Variants in PHACTR1 observed in about 807,000 individuals in gnomAD.
PHACTR1 encodes phosphatase and actin regulator 1, also known as RPEL repeat containing 1.
PHACTR1 carries 16 observed loss-of-function variants against 69.2 expected under a neutral mutation model. The ratio of observed to expected loss-of-function variants is 0.23; its 90% CI spans 0.16 to 0.35. The LOEUF (loss-of-function observed/expected upper bound fraction) is 0.35, where lower values mean the gene tolerates loss of function less well. PHACTR1 is among the 10% of genes least tolerant of loss of function. PHACTR1 has a pLI of 1.00. For missense variants in PHACTR1, 510 were observed against 734.7 expected (o/e 0.69, Z 3.54); for synonymous variants, 312 against 284.5 (o/e 1.10, Z -0.97).
intron 4 of PHACTR1, among the ~76,000 whole-genome samples, chr6:12,845,907 T>C (rs1267937005): frequency 6.6e-6 from 1 of 152,210 alleles, no homozygotes; most frequent in Non-Finnish European, 1.5e-5. Flanking sequence ...AGCAATTTCA[T>C]TGTGTGCAGA....
chr6:12,945,181 C>G (rs1419674072), intron 4 of PHACTR1, among the ~76,000 whole-genome samples: 9 of 152,136 alleles, frequency 5.9e-5, no homozygotes, highest in African/African-American at 1.9e-4. Context: ...TTATTCCCAT[C>G]TGACTAACTC....
chr6:12,789,824 G>A (rs1416709881), intron 4 of PHACTR1, among the ~76,000 whole-genome samples: 3 of 150,274 alleles, frequency 2.0e-5, no homozygotes, highest in Admixed American at 1.3e-4. Flanking sequence ...TGTGCACAAC[G>A]TGCAGGTTAG....
intron 4 of PHACTR1, among the ~76,000 whole-genome samples, chr6:13,024,885 T>G (rs1801467932): frequency 6.6e-6 from 1 of 152,198 alleles, no homozygotes; most frequent in South Asian, 2.1e-4. Context: ...CAGATTCCTG[T>G]GGTAAGACAC....
At chr6:13,130,288 A>G (rs570479439) in intron 5 of PHACTR1, among the ~76,000 whole-genome samples, 1 of 151,896 alleles carries the variant, frequency 6.6e-6, no homozygotes, top group African/African-American at 2.4e-5. Context: ...AACAAAAACA[A>G]AAACAAAACA....
chr6:12,787,401 T>C (rs55674017), intron 4 of PHACTR1, among the ~76,000 whole-genome samples: 1,608 of 152,304 alleles, frequency 0.011, 15 homozygotes, highest in Middle Eastern at 0.024. Context: ...CAACAATATC[T>C]TCCCATGACT....
rs542995841 is a variant in PHACTR1, at chr6:13,195,088, A to G, written c.665-10727A>G. Among the ~76,000 whole-genome samples, 4 of 152,252 alleles carry G rather than the reference A, an allele frequency of 2.6e-5. No homozygotes were observed. The South Asian group carries it at 8.3e-4, about 32-fold the overall frequency. On this transcript the variant is annotated intron_variant, in intron 7 of 14. Transcript: ENST00000332995. ...GCACATTTTGCCTTTGACCAAGGCA[A>G]AACGCCAGGCGAGTGATCATCCCTA...
At chr6:12,737,418 C>CAA (rs1383048962) in intron 3 of PHACTR1, among the ~76,000 whole-genome samples, 2 of 151,736 alleles carry the variant, frequency 1.3e-5, no homozygotes, top group Admixed American at 1.3e-4. Flanking sequence ...CACACACACA[C>CAA]ACGCATGCAC....
intron 4 of PHACTR1, among the ~76,000 whole-genome samples, chr6:12,844,832 G>T (rs1051330661): frequency 6.6e-6 from 1 of 152,070 alleles, no homozygotes; most frequent in African/African-American, 2.4e-5. Context: ...GGAGGAAATT[G>T]GGCTACTGTT....
intron 4 of PHACTR1, among the ~76,000 whole-genome samples, chr6:12,804,590 G>T (rs192046460): frequency 2.0e-5 from 3 of 152,188 alleles, no homozygotes; most frequent in Non-Finnish European, 2.9e-5. Flanking sequence ...CATTTTGGGA[G>T]GGGGGTGGAT....
rs61533233 is a variant in PHACTR1 at position 12,941,626 on chromosome 6, C to T, written c.251-111739C>T. Among the ~76,000 whole-genome samples, 919 of 152,174 alleles carry T rather than the reference C, an allele frequency of 6.0e-3. 9 individuals carry two copies. The highest frequency in any genetic ancestry group is 0.021 in the African/African-American group (857 of 41,496). On this transcript the variant is annotated intron_variant, in intron 4 of 14. Coordinates refer to ENST00000332995, the MANE Select transcript of PHACTR1 (RefSeq NM_030948.6). ...CTACCTTCAGTAAGTAGGAGCCAAA[C>T]GTCCTTGAAGTGTAGCATTGGGGTT...
intron 4 of PHACTR1, among the ~76,000 whole-genome samples, chr6:12,881,398 C>T (rs551011534): frequency 2.0e-5 from 3 of 152,008 alleles, no homozygotes; most frequent in South Asian, 2.1e-4. Context: ...AGCTAGGAGG[C>T]GAGTGGAGAT....
At chr6:13,224,647 G>A (rs1383385624) in intron 8 of PHACTR1, among the ~76,000 whole-genome samples, 1 of 133,412 alleles carries the variant, frequency 7.5e-6, no homozygotes, top group Admixed American at 1.0e-4. Context: ...TCTGTCAGCA[G>A]CAGGGCACAG....
At chr6:13,041,085 G>A (rs933582521) in intron 4 of PHACTR1, among the ~76,000 whole-genome samples, 2 of 152,116 alleles carry the variant, frequency 1.3e-5, no homozygotes, top group African/African-American at 4.8e-5. Flanking sequence ...TTTCTCTGTT[G>A]AGACCTCTTT....
chr6:13,178,833 G>A (rs1271888813), intron 6 of PHACTR1, among the ~76,000 whole-genome samples: 2 of 152,220 alleles, frequency 1.3e-5, no homozygotes, highest in Non-Finnish European at 2.9e-5. Flanking sequence ...CTAGCTAGAT[G>A]GGGATACAGA....
intron 8 of PHACTR1, among the ~76,000 whole-genome samples, chr6:13,225,964 C>T (rs949929483): frequency 9.9e-5 from 15 of 152,224 alleles, no homozygotes; most frequent in Non-Finnish European, 2.9e-5. Flanking sequence ...AAGTCCCCAG[C>T]CCCACTTTCA....
intron 4 of PHACTR1, among the ~76,000 whole-genome samples, chr6:12,809,414 A>G (rs6913397): frequency 0.98 from 149,794 of 152,284 alleles, 73,722 homozygotes; most frequent in Middle Eastern, 1. Context: ...ACTCTGCCCT[A>G]AGAAGGCCCA....
At chr6:13,177,172 T>TAAAAAAAAAAAAAAA (rs530741132) in intron 6 of PHACTR1, among the ~76,000 whole-genome samples, 3 of 63,374 alleles carry the variant, frequency 4.7e-5, no homozygotes, top group African/African-American at 2.0e-4. Context: ...ACCCCATCTC[T>TAAAAAAAAAAAAAAA]AAAAAAAAAA....
In PHACTR1 at chr6:12,848,964, C is replaced by T. The variant is rs183440171; in HGVS notation, c.250+99174C>T. ...CAAAGCACATTTAATCTTATTGCCT[C>T]CCAGTATCAATGATTGTTCTTTCTT... On this transcript the variant is annotated intron_variant, in intron 4 of 14. Coordinates refer to ENST00000332995, the MANE Select transcript of PHACTR1 (RefSeq NM_030948.6). 7.2e-5 allele frequency among the ~76,000 whole-genome samples: 11 copies of T among 151,820 alleles called. No individual in the cohort carries two copies. In the East Asian group the frequency reaches 1.4e-3, roughly 19 times the overall value.
chr6:12,834,547 T>G (rs1384498968), intron 4 of PHACTR1, among the ~76,000 whole-genome samples: 1 of 152,168 alleles, frequency 6.6e-6, no homozygotes, highest in Non-Finnish European at 1.5e-5. Context: ...ATGCAAAATG[T>G]GCACCCGTGA....
Sources: allele counts gnomAD v4.1 joint callset (sites outside exome capture counted in the v4.1 genomes callset), GRCh38; gene constraint gnomAD v4.1.1; transcripts MANE v1.5; gene names NCBI Gene and HGNC (gene_info 2026-07-23, HGNC 2026-07-21).